Variants in TUT4 observed in about 807,000 individuals in gnomAD.
TUT4 encodes terminal uridylyltransferase 4.
Under a neutral mutation model 192.2 loss-of-function variants are expected in TUT4, and 36 were observed. The observed-to-expected ratio is 0.19, with a 90% CI of 0.14 to 0.25. The LOEUF (loss-of-function observed/expected upper bound fraction) is 0.25. Ranked by LOEUF, TUT4 falls within the 10% of genes least tolerant of loss-of-function variation. TUT4 has a pLI of 1.00. For synonymous variants in TUT4, 618 were observed against 666.0 expected (o/e 0.93, Z 1.11); for missense variants, 1,493 against 1,957.2 (o/e 0.76, Z 4.47).
At chr1:52,425,685 C>A (rs773904824) in intron 28 of TUT4, among the ~76,000 whole-genome samples, 178 bp from the exon 29 acceptor site, 5 of 151,994 alleles carry the variant, frequency 3.3e-5, no homozygotes, top group Non-Finnish European at 7.4e-5. Flanking sequence ...TCAAATTATT[C>A]ATAAGAGACA....
intron 24 of TUT4, among the ~76,000 whole-genome samples, chr1:52,442,194 A>G (rs1488401047): frequency 1.3e-5 from 2 of 148,850 alleles, no homozygotes; most frequent in African/African-American, 5.2e-5. Context: ...GCCAAAGTGT[A>G]TGCTAGAGAG....
In TUT4 at chr1:52,423,373, G is replaced by C. The variant is rs1648732594; in HGVS notation, c.*562C>G. ...TCAAGTTTGAATGTTCAATATACAA[G>C]TATGGAAAAGAAAAAAAATCTGAAT... On this transcript the variant is annotated 3_prime_UTR_variant, in exon 30 of 30. Coordinates refer to ENST00000257177, the MANE Select transcript of TUT4 (RefSeq NM_001009881.3). 6.5e-6 allele frequency: 1 copy of C among 154,796 alleles called. No individual in the cohort carries two copies. The highest frequency in any genetic ancestry group is 2.0e-4 in the South Asian group (1 of 5,120). The allele number at this position is 154,796 out of a possible 1,614,324, so 9.6% of individuals were successfully genotyped here. A position where few individuals can be genotyped will look rare whatever the true frequency, so the allele number is the denominator to read the frequency against.
intron 9 of TUT4, among the ~76,000 whole-genome samples, chr1:52,488,348 A>G (rs565103952): frequency 1.3e-5 from 2 of 152,330 alleles, no homozygotes; most frequent in South Asian, 4.1e-4. Context: ...ACTGATATTG[A>G]TAATTAACTA....
intron 14 of TUT4, among the ~76,000 whole-genome samples, chr1:52,468,701 A>G (rs555572971): frequency 1.6e-4 from 24 of 152,284 alleles, no homozygotes; most frequent in Admixed American, 8.5e-4. Context: ...TATCTTCCCT[A>G]TAAACTGTTT....
chr1:52,541,686 T>C (rs1027766530), intron 1 of TUT4, among the ~76,000 whole-genome samples: 1 of 152,134 alleles, frequency 6.6e-6, no homozygotes, highest in African/African-American at 2.4e-5. Flanking sequence ...AATGATTTTT[T>C]AGGTATGACA....
intron 20 of TUT4, among the ~76,000 whole-genome samples, chr1:52,454,316 C>A (rs970001187): frequency 6.6e-6 from 1 of 152,068 alleles, no homozygotes; most frequent in Non-Finnish European, 1.5e-5. Context: ...TGCAACCCAA[C>A]CTCAAGAGTT....
In TUT4 at chr1:52,506,340, C is replaced by T. The variant is rs78179906; in HGVS notation, c.999+3256G>A. ...TTAAGAATAAAGTTTTCCTTTATTG[C>T]AATATGTCTCTGGTTTGAATATCAG... On this transcript the variant is annotated intron_variant, in intron 4 of 29. Coordinates refer to ENST00000257177, the MANE Select transcript of TUT4 (RefSeq NM_001009881.3). Among the ~76,000 whole-genome samples the T allele has an allele frequency of 3.7e-3, 557 of 152,144 alleles. 1 individual carries two copies. The highest frequency in any genetic ancestry group is 6.5e-3 in the Non-Finnish European group (444 of 68,014).
At chr1:52,492,781 A>G (rs1271242155) in intron 7 of TUT4, among the ~76,000 whole-genome samples, 2 of 152,344 alleles carry the variant, frequency 1.3e-5, no homozygotes, top group Admixed American at 6.5e-5. Context: ...TCTTACCTAT[A>G]TGAATGATGT....
chr1:52,477,603 CAT>C, intron 12 of TUT4, 103 bp downstream of exon 12: 89 of 1,082,912 alleles, frequency 8.2e-5, no homozygotes, highest in Non-Finnish European at 9.1e-5. Flanking sequence ...AATCTAGTGA[CAT>C]ATATATATAG....
At chr1:52,516,692 AC>A (rs1286807628) in intron 2 of TUT4, among the ~76,000 whole-genome samples, 1 of 152,170 alleles carries the variant, frequency 6.6e-6, no homozygotes, top group African/African-American at 2.4e-5. Context: ...TAAAATATAA[AC>A]CAAATCACCT....
intron 2 of TUT4, among the ~76,000 whole-genome samples, chr1:52,524,065 A>C (rs1681040924): frequency 1.3e-5 from 2 of 152,352 alleles, no homozygotes; most frequent in African/African-American, 4.8e-5. Context: ...AATATTTCTA[A>C]ACAATTAAAA....
intron 1 of TUT4, among the ~76,000 whole-genome samples, chr1:52,542,041 G>A (rs983061648): frequency 6.6e-6 from 1 of 152,178 alleles, no homozygotes; most frequent in African/African-American, 2.4e-5. Flanking sequence ...TCTGACACAT[G>A]CTATGACATG....
rs370414785 is a variant in TUT4 at position 52,513,080 on chromosome 1, G to A, written c.882+2811C>T. Reference sequence around the variant, plus strand: ...AGAGGTTGCAGTGAGCCGAGACCGCGCCACTGCACTCCAGCCTGGGAGACA... The same window carrying A: ...AGAGGTTGCAGTGAGCCGAGACCGCACCACTGCACTCCAGCCTGGGAGACA... On this transcript the variant is annotated intron_variant, in intron 3 of 29. Coordinates refer to ENST00000257177, the MANE Select transcript of TUT4 (RefSeq NM_001009881.3). Among the ~76,000 whole-genome samples, 11 of 148,822 alleles carry A rather than the reference G, an allele frequency of 7.4e-5. No individual in the cohort carries two copies. The South Asian group carries it at 2.1e-3, about 29-fold the overall frequency.
intron 7 of TUT4, among the ~76,000 whole-genome samples, chr1:52,492,670 C>T (rs1275518681): frequency 6.6e-6 from 1 of 152,216 alleles, no homozygotes; most frequent in Non-Finnish European, 1.5e-5. Context: ...TAAGCATTCA[C>T]TTTGTAACAA....
At position 52,525,619 on chromosome 1, in the gene TUT4, T is replaced by C. The variant is rs748163832; in HGVS notation, c.662A>G (p.Asn221Ser). The change falls in exon 2 of 30, where the codon AAT (asparagine) becomes AGT (serine). Residue 221 changes from asparagine to serine, a missense_variant. Around this residue, in one of 7 missense-constraint regions of TUT4, gnomAD observed 260 missense variants for 247.8 expected, o/e 1.05. Coordinates refer to ENST00000257177, the MANE Select transcript of TUT4 (RefSeq NM_001009881.3). ...AGCACTATCATCAGAATCACCAGTA[T>C]TATCTGTACATGTCTGTTGCTTCTG... ...RSQKQQTCTD[N>S]TGDSDDSASG... 17 of 1,614,020 alleles carry C rather than the reference T, an allele frequency of 1.1e-5. No homozygotes were observed. Among genetic ancestry groups the C allele is most frequent in the Non-Finnish European group, 1.4e-5 (16 of 1,180,030 alleles).
chr1:52,444,550 A>G (rs1656788974), intron 24 of TUT4, among the ~76,000 whole-genome samples: 1 of 151,728 alleles, frequency 6.6e-6, no homozygotes, highest in South Asian at 2.1e-4. Context: ...ATTGGACTGA[A>G]GCACACAAAC....
intron 20 of TUT4, among the ~76,000 whole-genome samples, chr1:52,453,870 A>G (rs1476380598): frequency 1.3e-5 from 2 of 152,246 alleles, no homozygotes; most frequent in African/African-American, 2.4e-5. Context: ...AGAATAAGCA[A>G]TTACAGCAAG....
chr1:52,500,234 G>A (rs190155740), intron 4 of TUT4, among the ~76,000 whole-genome samples: 84 of 152,236 alleles, frequency 5.5e-4, no homozygotes, highest in African/African-American at 1.9e-3. Flanking sequence ...TTCAACAAAT[G>A]TTGCTGGGAA....
chr1:52,426,734 C>T (rs1047565252), intron 28 of TUT4, among the ~76,000 whole-genome samples: 1 of 152,108 alleles, frequency 6.6e-6, no homozygotes, highest in African/African-American at 2.4e-5. Context: ...AGAATTAGGT[C>T]ATAACCAAAT....
Sources: allele counts gnomAD v4.1 joint callset (sites outside exome capture counted in the v4.1 genomes callset), GRCh38; gene constraint gnomAD v4.1.1; regional missense constraint gnomAD v4.1.1; transcripts MANE v1.5; gene names NCBI Gene and HGNC (gene_info 2026-07-23, HGNC 2026-07-21).